The following ABLIM2 variants were observed in gnomAD, a reference collection of about 807,000 sequenced individuals.
ABLIM2 encodes the protein actin-binding LIM protein 2.
Under a neutral mutation model 97.7 loss-of-function variants are expected in ABLIM2, and 53 were observed. The observed-to-expected ratio is 0.54, with a 90% confidence interval of 0.44 to 0.68. The LOEUF is 0.68. Among genes scored for constraint, ABLIM2 ranks in the 30% least tolerant of loss-of-function variants. The probability of loss-of-function intolerance (pLI) is 0.00; values close to 1 mark genes in which losing one functional copy is unlikely to be tolerated. For synonymous variants in ABLIM2, 361 were observed against 345.8 expected, an observed-to-expected ratio of 1.04 and a Z score of -0.49; for missense variants, 835 against 867.2, an observed-to-expected ratio of 0.96 and a Z score of 0.47.
At position 8,132,158 on chromosome 4, in the gene ABLIM2, C is replaced by T. The variant is rs987636806; in HGVS notation, c.11-25521G>A. Among the ~76,000 whole-genome samples the T allele has an allele frequency of 1.3e-5, 2 of 152,024 alleles. No individual in the cohort carries two copies. Among genetic ancestry groups the T allele is most frequent in the African/African-American group, 4.8e-5 (2 of 41,366 alleles). ...AACGACCTGGTTGGAAAGGAAACAG[C>T]GTACATGGTCCCACGAGGCTGCAAT... On this transcript the variant is annotated intron_variant, in intron 1 of 20. Transcript: ENST00000447017. This position sits in a 1 kb window ranked among gnomAD's most constrained non-coding sequence, Gnocchi z 8.0.
At position 7,992,872 on chromosome 4, in the gene ABLIM2, G is replaced by T; in HGVS notation, c.1674C>A (p.Asp558Glu). The change falls in exon 17 of 21, where the codon GAC (aspartate) becomes GAA (glutamate). Residue 558 changes from aspartate to glutamate, a missense_variant. Asp to Glu is a conservative substitution (Grantham distance 45, BLOSUM62 2). Coordinates refer to ENST00000447017, the MANE Select transcript of ABLIM2 (RefSeq NM_001130083.2). This position sits in a 1 kb window ranked among gnomAD's most constrained non-coding sequence, Gnocchi z 5.7. ...GGGAGGGGTCAGTACCTACCCGCTGGTCCAAGCCATTCTTTCCATGTCCTG... is the reference window on the plus strand; with the variant it reads ...GGGAGGGGTCAGTACCTACCCGCTGTTCCAAGCCATTCTTTCCATGTCCTG... ...PLPGHGKNGL[D>E]QRNANLAPCG... is the part of the protein sequence containing the mutation. 1.2e-6 allele frequency: 2 copies of T among 1,612,724 alleles called. No homozygotes were observed. The highest frequency in any genetic ancestry group is 1.3e-5 in the African/African-American group (1 of 74,994).
chr4:8,053,513 C>T (rs1001154380), intron 8 of ABLIM2, among the ~76,000 whole-genome samples: 3 of 152,178 alleles, frequency 2.0e-5, no homozygotes, highest in African/African-American at 7.2e-5. Context: ...GGTTCACAGA[C>T]ATGAGGGGGG....
rs1235940327 is a variant in ABLIM2 at position 8,091,779 on chromosome 4, ATAT to A, written c.339-3498_339-3496del. Among the ~76,000 whole-genome samples, 4 of 78,948 alleles carry A rather than the reference ATAT, an allele frequency of 5.1e-5. 1 individual carries two copies. In the East Asian group the frequency reaches 1.1e-3, roughly 21 times the overall value. The allele number at this position is 78,948 out of a possible 152,430, so 51.8% of individuals were successfully genotyped here. On this transcript the variant is annotated intron_variant, in intron 3 of 20. Coordinates refer to ENST00000447017, the MANE Select transcript of ABLIM2 (RefSeq NM_001130083.2). ...TATTATATATTTATTATGCATTTAT[ATAT>A]TAATAATTATAGAATTAATATATTA...
chr4:8,060,419 T>G (rs1180529126), intron 7 of ABLIM2, among the ~76,000 whole-genome samples: 1 of 152,194 alleles, frequency 6.6e-6, no homozygotes, highest in Non-Finnish European at 1.5e-5. Context: ...CGCTACATTT[T>G]CCTCCAAATC....
At chr4:7,983,495 C>G (rs998548162) in intron 19 of ABLIM2, 52 bp downstream of exon 19, 6 of 1,610,054 alleles carry the variant, frequency 3.7e-6, no homozygotes, top group Non-Finnish European at 5.1e-6. Flanking sequence ...GACTTTTAAC[C>G]TGGGCAGGTG....
At chr4:8,144,187 C>A (rs949501480) in intron 1 of ABLIM2, among the ~76,000 whole-genome samples, 11 of 152,234 alleles carry the variant, frequency 7.2e-5, no homozygotes, top group Non-Finnish European at 1.3e-4. Context: ...CCCAGCAGAG[C>A]CTCAGCGGGG....
chr4:8,065,253 T>A (rs1806276141), intron 6 of ABLIM2, among the ~76,000 whole-genome samples: 1 of 152,094 alleles, frequency 6.6e-6, no homozygotes. Context: ...CCCAGACTCT[T>A]ACAGAAACGT....
intron 3 of ABLIM2, among the ~76,000 whole-genome samples, chr4:8,096,854 G>T (rs1030594692): frequency 6.6e-6 from 1 of 152,180 alleles, no homozygotes; most frequent in African/African-American, 2.4e-5. Flanking sequence ...CTGCATGCTT[G>T]CTCTGTGCCA....
intron 1 of ABLIM2, among the ~76,000 whole-genome samples, chr4:8,119,327 T>C (rs1328142808): frequency 7.0e-6 from 1 of 142,806 alleles, no homozygotes; most frequent in Non-Finnish European, 1.5e-5. Flanking sequence ...CTTCCTTCTT[T>C]TTTTTTTTTT....
intron 12 of ABLIM2, among the ~76,000 whole-genome samples, chr4:8,025,890 T>C (rs1050292216): frequency 6.6e-6 from 1 of 152,176 alleles, no homozygotes; most frequent in African/African-American, 2.4e-5. Context: ...ACCCAAATGG[T>C]TGATTCACTC....
chr4:8,010,343 G>A, intron 14 of ABLIM2: 1 of 983,694 alleles, frequency 1.0e-6, no homozygotes, highest in Non-Finnish European at 1.2e-6. Context: ...CCCATGCACT[G>A]AACAATTACA....
intron 3 of ABLIM2, among the ~76,000 whole-genome samples, chr4:8,096,464 C>T (rs1043107904): frequency 7.9e-5 from 12 of 152,152 alleles, no homozygotes; most frequent in East Asian, 1.9e-4. Context: ...TGACACAGAG[C>T]GACTCTCCCT....
intron 16 of ABLIM2, among the ~76,000 whole-genome samples, chr4:8,006,561 G>A (rs1382367692): frequency 2.6e-5 from 4 of 152,202 alleles, no homozygotes; most frequent in Admixed American, 1.3e-4. Context: ...GGAAGCTGCC[G>A]AGCTGGTGCA....
rs1803313456 is a variant in ABLIM2, at chr4:8,061,855, AAG to A, written c.676-803_676-802del. Among the ~76,000 whole-genome samples the A allele has an allele frequency of 6.6e-6, 1 of 152,076 alleles. No homozygotes were observed. Among genetic ancestry groups the A allele is most frequent in the Non-Finnish European group, 1.5e-5 (1 of 68,018 alleles). ...ATAATAACCAGTTTCCTGAATCAGT[AAG>A]TAAAGGGCTGAAATGTCATTTTGAG... On this transcript the variant is annotated intron_variant, in intron 6 of 20. Coordinates refer to ENST00000447017, the MANE Select transcript of ABLIM2 (RefSeq NM_001130083.2). This position sits in a 1 kb window ranked among gnomAD's most constrained non-coding sequence, Gnocchi z 4.5.
At chr4:7,975,272 T>C (rs1327290888) in intron 20 of ABLIM2, among the ~76,000 whole-genome samples, 2 of 152,226 alleles carry the variant, frequency 1.3e-5, no homozygotes, top group African/African-American at 2.4e-5. Context: ...CATATTGCAG[T>C]GGCTCTCAGC....
intron 1 of ABLIM2, among the ~76,000 whole-genome samples, chr4:8,153,732 T>C (rs1320372182): frequency 6.7e-6 from 1 of 150,284 alleles, no homozygotes; most frequent in Admixed American, 6.6e-5. Flanking sequence ...CTCTCTTCTT[T>C]CCATTTGATC....
In ABLIM2 at chr4:8,085,526, G is replaced by T. The variant is rs1822926904; in HGVS notation, c.454+2643C>A. ...CCCGTCCACTCACACGGCTCTGGGG[G>T]TGCCCACGCTGCAGCCCCGTCCACT... On this transcript the variant is annotated intron_variant, in intron 4 of 20. Transcript: ENST00000447017. The surrounding 1 kb of genome is among the most constrained non-coding windows in gnomAD (Gnocchi z 6.1). 6.7e-6 allele frequency among the ~76,000 whole-genome samples: 1 copy of T among 149,690 alleles called. No homozygotes were observed. Among genetic ancestry groups the T allele is most frequent in the South Asian group, 2.1e-4 (1 of 4,704 alleles).
chr4:7,977,027 G>A (rs1011503573), intron 20 of ABLIM2, among the ~76,000 whole-genome samples: 1 of 152,042 alleles, frequency 6.6e-6, no homozygotes, highest in African/African-American at 2.4e-5. Context: ...ATCTCAAATT[G>A]TAATCCCCAT....
chr4:8,064,318 A>T (rs991443839), intron 6 of ABLIM2, among the ~76,000 whole-genome samples: 2 of 152,210 alleles, frequency 1.3e-5, no homozygotes, highest in African/African-American at 4.8e-5. Context: ...GGGGGCCCTT[A>T]AGAGGGGAGC....
Sources: gnomAD v4.1 joint callset for allele counts (sites outside exome capture counted in the v4.1 genomes callset) on GRCh38, gnomAD v4.1.1 for gene constraint, Gnocchi (gnomAD v3.1) non-coding constraint, MANE v1.5 for transcripts, NCBI Gene and HGNC (gene_info 2026-07-23, HGNC 2026-07-21) for gene names.